The following LAMA2 variants were observed in gnomAD, a reference collection of about 807,000 sequenced individuals.
LAMA2 encodes the protein laminin subunit alpha 2.
A neutral mutation model predicts 364.8 loss-of-function variants in LAMA2; 269 were observed. That is an observed-to-expected ratio of 0.74 (90% confidence interval 0.67 to 0.82). The LOEUF is 0.82. Among genes scored for constraint, LAMA2 ranks in the 40% least tolerant of loss-of-function variants. The probability of loss-of-function intolerance (pLI) is 0.00; values close to 1 mark genes in which losing one functional copy is unlikely to be tolerated. For synonymous variants in LAMA2, 1,379 were observed against 1,370.6 expected, an observed-to-expected ratio of 1.01 and a Z score of -0.14; for missense variants, 3,807 against 3,873.2, an observed-to-expected ratio of 0.98 and a Z score of 0.45.
At chr6:129,147,857 CAT>C (rs1488194155) in intron 6 of LAMA2, among the ~76,000 whole-genome samples, 7 of 152,050 alleles carry the variant, frequency 4.6e-5, no homozygotes, top group Admixed American at 6.6e-5. Context: ...AGTACACTAA[CAT>C]ATTTTTATGG....
intron 16 of LAMA2, among the ~76,000 whole-genome samples, chr6:129,268,814 C>G (rs1415637991): frequency 6.6e-6 from 1 of 151,992 alleles, no homozygotes; most frequent in Non-Finnish European, 1.5e-5. Context: ...TCCATCATAG[C>G]TAGTAAATAG....
intron 1 of LAMA2, among the ~76,000 whole-genome samples, chr6:128,906,769 G>T (rs538692549): frequency 0.023 from 3,389 of 150,620 alleles, 43 homozygotes; most frequent in Non-Finnish European, 0.028. Flanking sequence ...ATGGTTTTAG[G>T]TCTAACGTTT....
At position 129,233,888 on chromosome 6, in the gene LAMA2, C is replaced by T. The variant is rs906327642; in HGVS notation, c.1783-16224C>T. Among the ~76,000 whole-genome samples the T allele has an allele frequency of 3.9e-5, 6 of 152,170 alleles. No individual in the cohort carries two copies. In the South Asian group the frequency reaches 6.2e-4, roughly 16 times the overall value. On this transcript the variant is annotated intron_variant, in intron 12 of 64. Coordinates refer to ENST00000421865, the MANE Select transcript of LAMA2 (RefSeq NM_000426.4). ...GTCTTGAAAAACTGGTCTGAAACTC[C>T]GCTCCAGTAGAGCAAAAAGAAGAAC...
chr6:129,326,062 A>G (rs918578409), intron 28 of LAMA2, among the ~76,000 whole-genome samples: 1 of 151,974 alleles, frequency 6.6e-6, no homozygotes, highest in African/African-American at 2.4e-5. Flanking sequence ...CTGGTCTGGA[A>G]CTCCTGACCT....
chr6:129,360,165 T>C (rs891463704), intron 32 of LAMA2, among the ~76,000 whole-genome samples: 2 of 152,128 alleles, frequency 1.3e-5, no homozygotes, highest in Non-Finnish European at 2.9e-5. Context: ...GAAAGGTTCT[T>C]TGAGGTCCTG....
At chr6:129,013,712 A>G (rs919307007) in intron 1 of LAMA2, among the ~76,000 whole-genome samples, 3 of 152,134 alleles carry the variant, frequency 2.0e-5, no homozygotes, top group Non-Finnish European at 2.9e-5. Flanking sequence ...TTCTTCTCAC[A>G]TATTTTAGAA....
intron 1 of LAMA2, among the ~76,000 whole-genome samples, chr6:128,913,044 A>T (rs1338254086): frequency 6.6e-6 from 1 of 152,214 alleles, no homozygotes; most frequent in Non-Finnish European, 1.5e-5. Context: ...TGCTTTAATA[A>T]AGAAAAATGT....
intron 38 of LAMA2, among the ~76,000 whole-genome samples, chr6:129,401,981 G>T (rs568247581): frequency 1.3e-5 from 2 of 152,112 alleles, no homozygotes; most frequent in African/African-American, 4.8e-5. Flanking sequence ...GCCGAGGTGG[G>T]CAGACTGCCT....
rs965308108 is a variant in LAMA2 at position 129,157,681 on chromosome 6, G to A, written c.1206+2998G>A. 1.1e-5 allele frequency: 18 copies of A among 1,612,042 alleles called. No individual in the cohort carries two copies. In the African/African-American group the frequency reaches 2.1e-4, roughly 19 times the overall value. On this transcript the variant is annotated intron_variant, in intron 8 of 64. Coordinates refer to ENST00000421865, the MANE Select transcript of LAMA2 (RefSeq NM_000426.4). ...CTGTTCCACCGATTAGACACAATTG[G>A]CCGCAAACGTTTGACACACACAACC...
In LAMA2 at chr6:129,378,091, AAT is replaced by A. The variant is rs1778478055; in HGVS notation, c.4960-5029_4960-5028del. Among the ~76,000 whole-genome samples, 15 of 152,302 alleles carry A rather than the reference AAT, an allele frequency of 9.8e-5. No individual in the cohort carries two copies. In the South Asian group the frequency reaches 2.9e-3, roughly 29 times the overall value. ...CAAAGGAACACTGTAAAGATTGCAG[AAT>A]AGAGGTAAGAGAATGTTAAAATAAG... On this transcript the variant is annotated intron_variant, in intron 34 of 64. Transcript: ENST00000421865.
At chr6:129,126,202 G>A (rs957190987) in intron 4 of LAMA2, among the ~76,000 whole-genome samples, 1 of 151,958 alleles carries the variant, frequency 6.6e-6, no homozygotes, top group African/African-American at 2.4e-5. Flanking sequence ...CTTTTTTTGA[G>A]AACCAGAAAA....
intron 53 of LAMA2, among the ~76,000 whole-genome samples, chr6:129,475,971 G>GGAAT (rs2114828566): frequency 6.6e-6 from 1 of 152,186 alleles, no homozygotes; most frequent in African/African-American, 2.4e-5. Context: ...GCCAGATGAA[G>GGAAT]GAATCTCTGG....
chr6:128,924,989 G>C (rs72983324), intron 1 of LAMA2, among the ~76,000 whole-genome samples: 2 of 152,168 alleles, frequency 1.3e-5, no homozygotes, highest in African/African-American at 4.8e-5. Flanking sequence ...CATTAGGATG[G>C]CTGCCATAAT....
chr6:129,516,437 A>G lies in LAMA2; in HGVS notation c.*90A>G, dbSNP rs1787088391. The G allele has an allele frequency of 6.1e-6, 8 of 1,303,680 alleles. No homozygotes were observed. In the Admixed American group the frequency reaches 1.6e-4, roughly 26 times the overall value. 80.8% of individuals were successfully genotyped at this position (1,303,680 alleles called of 1,614,324 possible). ...ATATTTTACCTATATATGTTAATTA[A>G]ACTAATTTGTGCATGTACATAGAAT... On this transcript the variant is annotated 3_prime_UTR_variant, in exon 65 of 65. Coordinates refer to ENST00000421865, the MANE Select transcript of LAMA2 (RefSeq NM_000426.4).
chr6:128,929,698 C>A (rs1352639051), intron 1 of LAMA2: 102 of 1,400,292 alleles, frequency 7.3e-5, no homozygotes, highest in Non-Finnish European at 9.3e-5. Context: ...AGGGCAATCA[C>A]CCGATGAAAC....
intron 1 of LAMA2, among the ~76,000 whole-genome samples, chr6:128,889,678 G>A (rs1776340419): frequency 1.3e-5 from 2 of 152,006 alleles, no homozygotes; most frequent in African/African-American, 2.4e-5. Context: ...TAGGAAGATA[G>A]TAAGGCAAAA....
rs756699354 is a variant in LAMA2 at position 129,098,246 on chromosome 6, C to T, written c.470C>T (p.Ser157Phe). The change falls in exon 4 of 65, where the codon TCT becomes TTT. Residue 157 changes from serine to phenylalanine, a missense_variant. This residue lies in a region of LAMA2 where 394 missense variants were observed against 403.5 expected (regional missense o/e 0.98). Coordinates refer to ENST00000421865, the MANE Select transcript of LAMA2 (RefSeq NM_000426.4). ...PRPGNWILER[S>F]LDDVEYKPWQ... Reference sequence around the variant, plus strand: ...CCTGGAAACTGGATTTTGGAACGCTCTCTTGATGATGTTGAATACAAGCCC... The same window carrying T: ...CCTGGAAACTGGATTTTGGAACGCTTTCTTGATGATGTTGAATACAAGCCC... The T allele has an allele frequency of 2.5e-6, 4 of 1,614,068 alleles. No homozygotes were observed. The highest frequency in any genetic ancestry group is 2.2e-5 in the East Asian group (1 of 44,870).
intron 15 of LAMA2, among the ~76,000 whole-genome samples, chr6:129,266,376 A>G (rs13210965): frequency 0.064 from 9,758 of 152,268 alleles, 425 homozygotes; most frequent in Non-Finnish European, 0.1. Context: ...CAGTTTTTAT[A>G]TAATAAAGTG....
chr6:129,222,819 T>C (rs111639896), intron 12 of LAMA2, among the ~76,000 whole-genome samples: 1 of 152,186 alleles, frequency 6.6e-6, no homozygotes, highest in African/African-American at 2.4e-5. Flanking sequence ...GCATGTGTCT[T>C]TATAGCAGCA....
Sources: allele counts gnomAD v4.1 joint callset (sites outside exome capture counted in the v4.1 genomes callset), GRCh38; gene constraint gnomAD v4.1.1; regional missense constraint gnomAD v4.1.1; transcripts MANE v1.5; gene names NCBI Gene and HGNC (gene_info 2026-07-23, HGNC 2026-07-21).